The following TTYH3 variants were observed in gnomAD, a reference collection of about 807,000 sequenced individuals.
TTYH3 encodes tweety family member 3.
A neutral mutation model predicts 68.2 loss-of-function variants in TTYH3; 23 were observed. The ratio of observed to expected loss-of-function variants is 0.34; its 90% confidence interval spans 0.24 to 0.48. TTYH3 has a LOEUF of 0.48. TTYH3 is among the 20% of genes least tolerant of loss of function. TTYH3 has a pLI of 0.99. For synonymous variants in TTYH3, 360 were observed against 332.8 expected (o/e 1.08, Z -0.89); for missense variants, 768 against 727.7 (o/e 1.06, Z -0.64).
chr7:2,658,105 G>A (rs562403409), intron 11 of TTYH3, among the ~76,000 whole-genome samples, 181 bp from the exon 12 acceptor site: 1 of 152,220 alleles, frequency 6.6e-6, no homozygotes, highest in Non-Finnish European at 1.5e-5. Context: ...ACCCCACCTC[G>A]CAAGGGCAGG....
chr7:2,644,252 GC>G (rs1477221965), intron 1 of TTYH3, among the ~76,000 whole-genome samples: 3 of 152,168 alleles, frequency 2.0e-5, no homozygotes, highest in Non-Finnish European at 2.9e-5. Context: ...GGCAGGGCCT[GC>G]AGTCACAGCC....
At chr7:2,644,992 C>T (rs894582698) in intron 1 of TTYH3, among the ~76,000 whole-genome samples, 1 of 152,228 alleles carries the variant, frequency 6.6e-6, no homozygotes, top group African/African-American at 2.4e-5. Context: ...GGCTGGGGTC[C>T]CAAGAGGGCC....
At chr7:2,651,715 C>T (rs559343145) in intron 7 of TTYH3, among the ~76,000 whole-genome samples, 2 of 152,212 alleles carry the variant, frequency 1.3e-5, no homozygotes, top group African/African-American at 2.4e-5. Context: ...TTGTTAAATA[C>T]TTTCATCATT....
In TTYH3 at chr7:2,647,113, G is replaced by C. The variant is rs762427215; in HGVS notation, c.294-29G>C. ...AGTGGGGTGTGTGTGGGTGGGCGGG[G>C]CTACATCTCACGGGCCCGCCCTCTC... On this transcript the variant is annotated intron_variant, in intron 2 of 13. Transcript: ENST00000258796. 3 of 1,570,216 alleles carry C rather than the reference G, an allele frequency of 1.9e-6. No homozygotes were observed. The Admixed American group carries it at 5.6e-5, about 29-fold the overall frequency.
rs781052407 is a variant in TTYH3 at position 2,658,431 on chromosome 7, G to A, written c.1396G>A (p.Val466Ile). Residue 466 changes from valine to isoleucine, a missense_variant, in exon 12 of 14, where the codon GTC becomes ATC. By Grantham distance (29) the Val-to-Ile change is conservative. Transcript: ENST00000258796. Reference sequence around the variant, plus strand: ...CAGCATCCCGGCCGCGGCCCACACCGTCAGCAACGCCCCGGTCACTGAGTA... The same window carrying A: ...CAGCATCCCGGCCGCGGCCCACACCATCAGCAACGCCCCGGTCACTGAGTA... ...ETSIPAAAHT[V>I]SNAPVTEYMS... 51 of 1,612,086 alleles carry A rather than the reference G, an allele frequency of 3.2e-5. No individual in the cohort carries two copies. Among genetic ancestry groups the A allele is most frequent in the East Asian group, 4.5e-5 (2 of 44,876 alleles).
chr7:2,658,743 C>CCT (rs1786408233), intron 12 of TTYH3, among the ~76,000 whole-genome samples, 197 bp from the exon 13 acceptor site: 1 of 152,202 alleles, frequency 6.6e-6, no homozygotes, highest in African/African-American at 2.4e-5. Flanking sequence ...GGAGTGGACT[C>CCT]TGGCTGGGCC....
chr7:2,655,075 G>A (rs946580184), intron 9 of TTYH3, among the ~76,000 whole-genome samples: 4 of 152,160 alleles, frequency 2.6e-5, no homozygotes, highest in Admixed American at 2.6e-4. Context: ...GGTTCAGACC[G>A]CAACACAGGA....
intron 1 of TTYH3, 22 bp from the exon 2 acceptor site, chr7:2,646,831 G>T: frequency 6.3e-7 from 1 of 1,586,434 alleles, no homozygotes; most frequent in Non-Finnish European, 8.5e-7. Context: ...CCCCTCCAGC[G>T]CCGCTTCCTG....
chr7:2,640,069 C>T (rs1562708255), intron 1 of TTYH3, among the ~76,000 whole-genome samples: 1 of 152,228 alleles, frequency 6.6e-6, no homozygotes, highest in Non-Finnish European at 1.5e-5. Flanking sequence ...CAGCGTGGCT[C>T]CAGGACACGG....
chr7:2,660,336 C>T (rs1354778659), intron 13 of TTYH3: 1 of 985,292 alleles, frequency 1.0e-6, no homozygotes, highest in Non-Finnish European at 1.2e-6. Flanking sequence ...TCTGTCACCT[C>T]CCAGTGAGGA....
intron 1 of TTYH3, 95 bp downstream of exon 1, chr7:2,632,373 G>A: frequency 1.6e-6 from 2 of 1,286,302 alleles, no homozygotes; most frequent in African/African-American, 3.1e-5. Context: ...AGGGCCTAAA[G>A]ACCCCTCATC....
At chr7:2,634,568 A>C (rs1583552121) in intron 1 of TTYH3, among the ~76,000 whole-genome samples, 1 of 15,846 alleles carries the variant, frequency 6.3e-5, no homozygotes. Flanking sequence ...GGGCGGGGGG[A>C]TGGAGGGGAG....
In TTYH3 at chr7:2,658,269, C is replaced by A; in HGVS notation, c.1251-17C>A. The A allele has an allele frequency of 6.5e-7, 1 of 1,535,570 alleles. No individual in the cohort carries two copies. The highest frequency in any genetic ancestry group is 2.0e-5 in the Admixed American group (1 of 50,594). ...CCTGCTGGGGCCTGAGCCCGTGCTG[C>A]GTGTCCCTCCTCACAGAGGCCCTGA... On this transcript the variant is annotated splice_polypyrimidine_tract_variant and intron_variant, in intron 11 of 13. Coordinates refer to ENST00000258796, the MANE Select transcript of TTYH3 (RefSeq NM_025250.3).
At position 2,638,347 on chromosome 7, in the gene TTYH3, T is replaced by A. The variant is rs537632613; in HGVS notation, c.123+6069T>A. ...GCTGCAGCTCTTTGGTGTCTGTTCC[T>A]TGCACGAGGGGGAGGGCGGGCGTGG... On this transcript the variant is annotated intron_variant, in intron 1 of 13. Transcript: ENST00000258796. Among the ~76,000 whole-genome samples the A allele has an allele frequency of 7.8e-4, 118 of 152,190 alleles. 1 individual carries two copies. Among genetic ancestry groups the A allele is most frequent in the African/African-American group, 2.7e-3 (111 of 41,534 alleles).
chr7:2,642,296 C>T (rs1785867387), intron 1 of TTYH3, among the ~76,000 whole-genome samples: 2 of 152,036 alleles, frequency 1.3e-5, no homozygotes, highest in Admixed American at 1.3e-4. Flanking sequence ...AATCCCAGCA[C>T]TTTGGGGGAC....
At chr7:2,649,661 G>A (rs776898484) in intron 6 of TTYH3, 22 bp downstream of exon 6, 5 of 1,587,374 alleles carry the variant, frequency 3.1e-6, no homozygotes, top group Non-Finnish European at 4.3e-6. Flanking sequence ...AGGGGGTGAG[G>A]TCCCCGGCTG....
At chr7:2,647,731 C>T in intron 4 of TTYH3, 93 bp downstream of exon 4, 1 of 1,355,570 alleles carries the variant, frequency 7.4e-7, no homozygotes. Flanking sequence ...TACATGAGGC[C>T]TGATGGGCAG....
Position 2,646,954 on chromosome 7 carries a change from C to A in TTYH3, c.225C>A (p.Ser75Arg). The A allele has an allele frequency of 1.9e-6, 3 of 1,599,860 alleles. No individual in the cohort carries two copies. The highest frequency in any genetic ancestry group is 2.5e-6 in the Non-Finnish European group (3 of 1,177,940). ...SFWLCCRRRK[S>R]EEHLDADCCC... Reference sequence around the variant, plus strand: ...GGCTGTGCTGCCGGCGGCGCAAGAGCGAGGAGCACCTGGACGCCGACTGCT... The same window carrying A: ...GGCTGTGCTGCCGGCGGCGCAAGAGAGAGGAGCACCTGGACGCCGACTGCT... The change falls in exon 2 of 14, where the codon AGC (serine) becomes AGA (arginine). Residue 75 changes from serine (S) to arginine (R), a missense_variant. Transcript: ENST00000258796.
chr7:2,652,056 C>G (rs79155827), intron 7 of TTYH3, 131 bp from the exon 8 acceptor site: 3 of 752,308 alleles, frequency 4.0e-6, no homozygotes, highest in Non-Finnish European at 6.9e-6. Flanking sequence ...CAGGTGCACA[C>G]AGACACACAT....
Sources: allele counts gnomAD v4.1 joint callset (sites outside exome capture counted in the v4.1 genomes callset), GRCh38; gene constraint gnomAD v4.1.1; transcripts MANE v1.5; gene names NCBI Gene and HGNC (gene_info 2026-07-23, HGNC 2026-07-21).